FERMT1: variants seen among roughly 807,000 people sequenced by gnomAD.
FERMT1 encodes fermitin family homolog 1.
FERMT1 carries 60 observed loss-of-function variants against 85.3 expected under a neutral mutation model. The observed-to-expected ratio is 0.70, with a 90% CI of 0.57 to 0.87. FERMT1 has a LOEUF of 0.87. FERMT1 is among the 40% of genes least tolerant of loss of function. FERMT1 has a pLI of 0.00. For missense variants in FERMT1, 701 were observed against 818.9 expected, an observed-to-expected ratio of 0.86 and a Z score of 1.76; for synonymous variants, 275 against 301.1, an observed-to-expected ratio of 0.91 and a Z score of 0.90.
chr20:6,090,475 G>A (rs77111690), intron 9 of FERMT1, among the ~76,000 whole-genome samples: 1 of 151,668 alleles, frequency 6.6e-6, no homozygotes, highest in Non-Finnish European at 1.5e-5. Flanking sequence ...AAAAAAAAAA[G>A]TATATGCTGG....
At chr20:6,084,695 C>CTTTTTTTTT (rs35916682) in intron 12 of FERMT1, among the ~76,000 whole-genome samples, 1 of 144,266 alleles carries the variant, frequency 6.9e-6, no homozygotes, top group African/African-American at 2.6e-5. Flanking sequence ...GGAATTACTC[C>CTTTTTTTTT]TTTTTTTTTT....
chr20:6,085,374 A>G, intron 11 of FERMT1, 87 bp from the exon 12 acceptor site: 1 of 1,152,996 alleles, frequency 8.7e-7, no homozygotes, highest in South Asian at 1.3e-5. Context: ...CTACCCCATT[A>G]CAGTGCAAAA....
intron 13 of FERMT1, among the ~76,000 whole-genome samples, chr20:6,083,721 CGAAAA>C (rs1485685976): frequency 6.9e-6 from 1 of 143,960 alleles, no homozygotes; most frequent in African/African-American, 2.6e-5. Flanking sequence ...AAAAAAAAAC[CGAAAA>C]GAAGTTACAG....
At chr20:6,102,059 A>G (rs1982673165) in intron 6 of FERMT1, among the ~76,000 whole-genome samples, 1 of 151,822 alleles carries the variant, frequency 6.6e-6, no homozygotes, top group Admixed American at 6.6e-5. Flanking sequence ...GCACGGTCTC[A>G]CCCTGTCATG....
chr20:6,100,812 G>A (rs1448016383), intron 6 of FERMT1, among the ~76,000 whole-genome samples: 3 of 151,718 alleles, frequency 2.0e-5, no homozygotes, highest in Admixed American at 2.0e-4. Flanking sequence ...CCTAAAGAAG[G>A]TTACAAATTT....
chr20:6,077,296 A>G lies in FERMT1; in HGVS notation c.1911T>C (p.Ser637=), dbSNP rs767030453. ...ACTCGTGCACAATCTTGCAATCTGC[A>G]CTCAGGCAGGTGAAAGCAGTAAAGA... The part of the protein sequence containing the change: ...QNVFTAFTCL[S]ADCKIVHEYI... Residue 637 remains serine (S), a synonymous_variant, in exon 15 of 15, where the codon AGT becomes AGC. Coordinates refer to ENST00000217289, the MANE Select transcript of FERMT1 (RefSeq NM_017671.5). The G allele has an allele frequency of 5.0e-6, 8 of 1,614,190 alleles. No individual in the cohort carries two copies. The highest frequency in any genetic ancestry group is 5.9e-6 in the Non-Finnish European group (7 of 1,180,034).
intron 8 of FERMT1, among the ~76,000 whole-genome samples, chr20:6,096,556 T>C (rs1982504020): frequency 6.6e-6 from 1 of 152,158 alleles, no homozygotes; most frequent in African/African-American, 2.4e-5. Context: ...CTCCATGTAA[T>C]AGACAGGGTG....
chr20:6,079,612 AC>A (rs780496455), intron 13 of FERMT1, 35 bp from the exon 14 acceptor site: 1 of 1,580,290 alleles, frequency 6.3e-7, no homozygotes, highest in Non-Finnish European at 8.7e-7. Context: ...AAGAGAAGCA[AC>A]TGCTTCCTAT....
At position 6,119,465 on chromosome 20, in the gene FERMT1, T is replaced by C. The variant is rs1205669743; in HGVS notation, c.90A>G (p.Thr30=). ...CATGAAGGTCTCCAGATACTCTCAG[T>C]GTGACGTCTTTCTGCTGCTCTTCAT... is the stretch of plus-strand genomic sequence containing the variant. The part of the protein sequence containing the change: ...HPNEEQQKDV[T]LRVSGDLHVG... Residue 30 remains threonine (T), a synonymous_variant, in exon 2 of 15, where the codon ACA becomes ACG. Transcript: ENST00000217289. 2 of 1,614,132 alleles carry C rather than the reference T, an allele frequency of 1.2e-6. No homozygotes were observed. The highest frequency in any genetic ancestry group is 2.2e-5 in the East Asian group (1 of 44,876).
intron 13 of FERMT1, among the ~76,000 whole-genome samples, chr20:6,080,318 G>A (rs1257990614): frequency 6.6e-6 from 1 of 152,176 alleles, no homozygotes; most frequent in Non-Finnish European, 1.5e-5. Context: ...TTTTGTGTGT[G>A]TGTGTGTCTT....
At chr20:6,107,762 T>C (rs1449001977) in intron 5 of FERMT1, 128 bp from the exon 6 acceptor site, 3 of 577,830 alleles carry the variant, frequency 5.2e-6, no homozygotes, top group Non-Finnish European at 9.6e-6. Flanking sequence ...TAATACAGAT[T>C]GAGTATCACT....
Position 6,099,271 on chromosome 20 carries a change from C to A in FERMT1, c.850-1640G>T, listed in dbSNP as rs144063529. 6.6e-5 allele frequency among the ~76,000 whole-genome samples: 10 copies of A among 151,998 alleles called. No individual in the cohort carries two copies. The East Asian group carries it at 1.9e-3, about 29-fold the overall frequency. ...TACAAAAATTAGCCAGGCATGGTGG[C>A]AGGTGCATGTAATCCCAGCTACTTG... On this transcript the variant is annotated intron_variant, in intron 6 of 14. Transcript: ENST00000217289.
At chr20:6,091,009 CA>C (rs1284845761) in intron 9 of FERMT1, among the ~76,000 whole-genome samples, 3 of 151,394 alleles carry the variant, frequency 2.0e-5, no homozygotes, top group Non-Finnish European at 4.4e-5. Flanking sequence ...ACTAAAAATA[CA>C]AAAATTAGCT....
In FERMT1 at chr20:6,083,949, A is replaced by G. The variant is rs1982085696; in HGVS notation, c.1718+91T>C. On this transcript the variant is annotated intron_variant, in intron 13 of 14. Transcript: ENST00000217289. ...AATATTCTCAAATAAAAAGCATTCT[A>G]TATTCTATGCTAAATGAGAAAACTG... 5.5e-6 allele frequency: 8 copies of G among 1,446,960 alleles called. No individual in the cohort carries two copies. The Admixed American group carries it at 8.5e-5, about 15-fold the overall frequency. The allele number at this position is 1,446,960 out of a possible 1,614,324, so 89.6% of individuals were successfully genotyped here.
At chr20:6,098,847 C>A (rs1229615391) in intron 6 of FERMT1, among the ~76,000 whole-genome samples, 4 of 152,210 alleles carry the variant, frequency 2.6e-5, no homozygotes, top group East Asian at 1.9e-4. Context: ...GAAATTGGAG[C>A]CCTTGTGCAC....
intron 2 of FERMT1, 48 bp from the exon 3 acceptor site, chr20:6,116,092 T>G (rs1422965126): frequency 8.8e-6 from 11 of 1,254,344 alleles, no homozygotes; most frequent in South Asian, 2.5e-5. Context: ...GGGCCCAGCT[T>G]GGAGGGTCCT....
At position 6,095,261 on chromosome 20, in the gene FERMT1, A is replaced by G. The variant is rs2326716; in HGVS notation, c.1090-273T>C. 0.086 allele frequency among the ~76,000 whole-genome samples: 13,122 copies of G among 152,202 alleles called. 1,100 individuals carry two copies. The highest frequency in any genetic ancestry group is 0.47 in the East Asian group (2,398 of 5,148). On this transcript the variant is annotated intron_variant, in intron 8 of 14. Transcript: ENST00000217289. Reference sequence around the variant, plus strand: ...TGGCAAAGTTCTGTTTCTTGATTTCAGTGGTGACTTGGGTGACAATTGAAT... The same window carrying G: ...TGGCAAAGTTCTGTTTCTTGATTTCGGTGGTGACTTGGGTGACAATTGAAT...
At chr20:6,105,225 C>A (rs1329156880) in intron 6 of FERMT1, among the ~76,000 whole-genome samples, 1 of 152,134 alleles carries the variant, frequency 6.6e-6, no homozygotes, top group Non-Finnish European at 1.5e-5. Flanking sequence ...TCAGAGAAGG[C>A]AAAGGCCCAT....
Position 6,109,902 on chromosome 20 carries a change from C to CAAA in FERMT1, c.746+393_746+395dup, listed in dbSNP as rs11436082. On this transcript the variant is annotated intron_variant, in intron 5 of 14. Transcript: ENST00000217289. ...GGGCAACAAGAGCAAAACTCCATCT[C>CAAA]AAAAAAAAAAAAAAAAGAGAAGAGT... Among the ~76,000 whole-genome samples the CAAA allele has an allele frequency of 9.2e-3, 1,141 of 123,522 alleles. 10 individuals carry two copies. The highest frequency in any genetic ancestry group is 0.016 in the Middle Eastern group (4 of 244). The allele number at this position is 123,522 out of a possible 152,430, so 81.0% of individuals were successfully genotyped here. A position where few individuals can be genotyped will look rare whatever the true frequency, so the allele number is the denominator to read the frequency against.
Sources: allele counts gnomAD v4.1 joint callset (sites outside exome capture counted in the v4.1 genomes callset), GRCh38; gene constraint gnomAD v4.1.1; transcripts MANE v1.5; gene names NCBI Gene and HGNC (gene_info 2026-07-23, HGNC 2026-07-21).